DZIP3: variants seen among roughly 807,000 people sequenced by gnomAD.
The protein encoded by DZIP3 is DAZ interacting zinc finger protein 3.
DZIP3 carries 118 observed loss-of-function variants against 162.0 expected under a neutral mutation model. The observed-to-expected ratio is 0.73, with a 90% confidence interval of 0.63 to 0.85. The LOEUF (loss-of-function observed/expected upper bound fraction) is 0.85, where lower values mean the gene tolerates loss of function less well. DZIP3 is among the 40% of genes least tolerant of loss of function. The probability of loss-of-function intolerance (pLI) is 0.00; values close to 1 mark genes in which losing one functional copy is unlikely to be tolerated. For synonymous variants in DZIP3, 438 were observed against 458.6 expected, an observed-to-expected ratio of 0.96 and a Z score of 0.57; for missense variants, 1,331 against 1,407.0, an observed-to-expected ratio of 0.95 and a Z score of 0.86.
chr3:108,624,947 CTTA>C (rs1315634303), intron 6 of DZIP3, among the ~76,000 whole-genome samples: 1 of 151,750 alleles, frequency 6.6e-6, no homozygotes, highest in African/African-American at 2.4e-5. Flanking sequence ...TGATATTTCT[CTTA>C]TTTTTTCTTC....
chr3:108,654,123 A>G (rs773274325), intron 18 of DZIP3, 22 bp from the exon 19 acceptor site: 28 of 1,609,048 alleles, frequency 1.7e-5, no homozygotes, highest in East Asian at 2.2e-5. Context: ...AAAAGCTCAC[A>G]TTGATTATGT....
intron 29 of DZIP3, among the ~76,000 whole-genome samples, 186 bp downstream of exon 29, chr3:108,688,282 T>C (rs1398047731): frequency 1.3e-5 from 2 of 152,228 alleles, no homozygotes; most frequent in Non-Finnish European, 2.9e-5. Context: ...GAAATACCTG[T>C]TACCTAATCA....
chr3:108,598,557 A>G (rs997946822), intron 1 of DZIP3, among the ~76,000 whole-genome samples: 1 of 152,184 alleles, frequency 6.6e-6, no homozygotes, highest in Non-Finnish European at 1.5e-5. Flanking sequence ...TTTCTGAGAT[A>G]ACAGTGAGCT....
intron 8 of DZIP3, among the ~76,000 whole-genome samples, chr3:108,630,268 A>T (rs906647132): frequency 1.3e-4 from 20 of 152,092 alleles, no homozygotes; most frequent in African/African-American, 4.6e-4. Flanking sequence ...TGAATGACAT[A>T]TCTTTTTCAA....
intron 8 of DZIP3, among the ~76,000 whole-genome samples, chr3:108,631,055 A>ACACACACACACACACACATACTCTCT: frequency 5.6e-5 from 1 of 18,006 alleles, no homozygotes; most frequent in Non-Finnish European, 9.0e-5. Flanking sequence ...ACACACACAC[A>ACACACACACACACACACATACTCTCT]CTCTCTCTCT....
At chr3:108,605,928 G>A (rs1235774878) in intron 2 of DZIP3, among the ~76,000 whole-genome samples, 1 of 152,174 alleles carries the variant, frequency 6.6e-6, no homozygotes, top group Non-Finnish European at 1.5e-5. Context: ...TTTGGTTAGT[G>A]GGTGATGTAG....
At chr3:108,677,200 C>T (rs568034809) in intron 25 of DZIP3, among the ~76,000 whole-genome samples, 1 of 151,930 alleles carries the variant, frequency 6.6e-6, no homozygotes, top group East Asian at 1.9e-4. Flanking sequence ...TCAGTGGTTC[C>T]TATTTTAGAG....
chr3:108,612,582 A>G (rs1011663801), intron 4 of DZIP3, among the ~76,000 whole-genome samples: 1 of 152,204 alleles, frequency 6.6e-6, no homozygotes, highest in Non-Finnish European at 1.5e-5. Flanking sequence ...CCCCCGGTAC[A>G]AAAATCCAAG....
intron 1 of DZIP3, among the ~76,000 whole-genome samples, chr3:108,592,373 A>G (rs1050991879): frequency 1.3e-5 from 2 of 152,154 alleles, no homozygotes; most frequent in Non-Finnish European, 2.9e-5. Flanking sequence ...GAGAAGATAC[A>G]GATACTGCTG....
chr3:108,692,296 AG>A, intron 32 of DZIP3, among the ~76,000 whole-genome samples: 1 of 152,224 alleles, frequency 6.6e-6, no homozygotes, highest in African/African-American at 2.4e-5. Flanking sequence ...CAGTCCTGGG[AG>A]ATGATCAGGA....
chr3:108,596,276 A>T (rs1179560803), intron 1 of DZIP3, among the ~76,000 whole-genome samples: 6 of 152,210 alleles, frequency 3.9e-5, no homozygotes, highest in Non-Finnish European at 5.9e-5. Context: ...AGAGGGGCAG[A>T]TACCTGGATT....
At chr3:108,667,261 C>G (rs915073019) in intron 21 of DZIP3, among the ~76,000 whole-genome samples, 20 of 152,058 alleles carry the variant, frequency 1.3e-4, no homozygotes, top group Admixed American at 1.2e-3. Context: ...ATTGACAAAC[C>G]TCTAGCAAGA....
Position 108,616,626 on chromosome 3 carries a change from C to T in DZIP3, c.344C>T (p.Ala115Val). 6.3e-7 allele frequency: 1 copy of T among 1,599,172 alleles called. No homozygotes were observed. Among genetic ancestry groups the T allele is most frequent in the Non-Finnish European group, 8.5e-7 (1 of 1,173,712 alleles). ...TTCTTGATTACACAGCTAGAAGCAGCACTTAGGAACATTCAAGCTGGCAAT... is the reference window on the plus strand; with the variant it reads ...TTCTTGATTACACAGCTAGAAGCAGTACTTAGGAACATTCAAGCTGGCAAT... The part of the protein sequence containing the change: ...LRFLITQLEA[A>V]LRNIQAGNYT... Residue 115 changes from alanine (A) to valine (V), a missense_variant, in exon 5 of 33, where the codon GCA (alanine) becomes GTA (valine). Physicochemically the swap from Ala to Val is moderately conservative, Grantham distance 64 (BLOSUM62 0). Transcript: ENST00000361582.
At chr3:108,613,378 C>T (rs1940826870) in intron 4 of DZIP3, among the ~76,000 whole-genome samples, 1 of 152,038 alleles carries the variant, frequency 6.6e-6, no homozygotes, top group South Asian at 2.1e-4. Context: ...CCCACTTAAA[C>T]ATTAAAAGTT....
intron 14 of DZIP3, among the ~76,000 whole-genome samples, 160 bp downstream of exon 14, chr3:108,644,941 C>G (rs1942559468): frequency 6.6e-6 from 1 of 152,048 alleles, no homozygotes; most frequent in South Asian, 2.1e-4. Context: ...AGAGATGTTT[C>G]CAGAATACCA....
intron 1 of DZIP3, among the ~76,000 whole-genome samples, chr3:108,597,818 T>C (rs1322170457): frequency 6.6e-6 from 1 of 152,222 alleles, no homozygotes; most frequent in Non-Finnish European, 1.5e-5. Flanking sequence ...TGCCTGCATA[T>C]AATTTATAAG....
At chr3:108,621,764 C>G (rs976326902) in intron 5 of DZIP3, among the ~76,000 whole-genome samples, 1 of 151,980 alleles carries the variant, frequency 6.6e-6, no homozygotes, top group Non-Finnish European at 1.5e-5. Flanking sequence ...TGGGATATAC[C>G]CAAAAGAAAG....
Position 108,675,847 on chromosome 3 carries a change from G to A in DZIP3, c.2755G>A (p.Val919Ile). 6.2e-7 allele frequency: 1 copy of A among 1,610,248 alleles called. No individual in the cohort carries two copies. The highest frequency in any genetic ancestry group is 1.1e-5 in the South Asian group (1 of 90,794). ...VDSWNAIVAD[V>I]RNKIAFLRTQ... Reference sequence around the variant, plus strand: ...CAGTTGGAATGCCATTGTGGCAGATGTTAGAAACAAGATTGCATTCCTCAG... The same window carrying A: ...CAGTTGGAATGCCATTGTGGCAGATATTAGAAACAAGATTGCATTCCTCAG... The change falls in exon 25 of 33, where the codon GTT becomes ATT. Residue 919 changes from valine (V) to isoleucine (I), a missense_variant. Coordinates refer to ENST00000361582, the MANE Select transcript of DZIP3 (RefSeq NM_014648.4).
At chr3:108,637,135 C>T (rs796137084) in intron 11 of DZIP3, among the ~76,000 whole-genome samples, 7 of 151,966 alleles carry the variant, frequency 4.6e-5, no homozygotes, top group African/African-American at 1.7e-4. Flanking sequence ...CAGATGATAT[C>T]CATTTTATGT....
Sources: gnomAD v4.1 joint callset for allele counts (sites outside exome capture counted in the v4.1 genomes callset) on GRCh38, gnomAD v4.1.1 for gene constraint, MANE v1.5 for transcripts, NCBI Gene and HGNC (gene_info 2026-07-23, HGNC 2026-07-21) for gene names.